The following KNTC1 variants were observed in gnomAD, a reference collection of about 807,000 sequenced individuals.
The protein encoded by KNTC1 is kinetochore associated 1.
In KNTC1, 253 loss-of-function variants were observed where a neutral mutation model predicts 314.4. The observed-to-expected ratio is 0.80, with a 90% confidence interval of 0.73 to 0.89. The LOEUF is 0.89. Ranked by LOEUF, KNTC1 falls within the 40% of genes least tolerant of loss-of-function variation. KNTC1 has a pLI of 0.00. For synonymous variants in KNTC1, 901 were observed against 901.4 expected (o/e 1.00, Z 0.01); for missense variants, 2,475 against 2,572.9 (o/e 0.96, Z 0.82).
chr12:122,591,452 G>T lies in KNTC1; in HGVS notation c.4244G>T (p.Gly1415Val). The change falls in exon 42 of 64, where the codon GGT becomes GTT. Residue 1415 changes from glycine (G) to valine (V), a missense_variant and splice_region_variant. Transcript: ENST00000333479. ...TGGGGCATTCGTCTTGGTAAACTTG[G>T]TGTGAGTATTCTTTGTACTGCTGTC... ...AQWGIRLGKL[G>V]ISFQPVFRQH... 6.8e-7 allele frequency: 1 copy of T among 1,474,176 alleles called. No individual in the cohort carries two copies. Among genetic ancestry groups the T allele is most frequent in the Non-Finnish European group, 9.5e-7 (1 of 1,056,184 alleles). 91.3% of individuals were successfully genotyped at this position (1,474,176 alleles called of 1,614,324 possible).
chr12:122,583,562 A>C (rs757526294), intron 34 of KNTC1, among the ~76,000 whole-genome samples: 1 of 152,042 alleles, frequency 6.6e-6, no homozygotes, highest in Non-Finnish European at 1.5e-5. Context: ...GTGGTGACTC[A>C]CGCCTGTAAT....
At chr12:122,540,099 T>C (rs1298623849) in intron 5 of KNTC1, among the ~76,000 whole-genome samples, 1 of 151,848 alleles carries the variant, frequency 6.6e-6, no homozygotes, top group Non-Finnish European at 1.5e-5. Flanking sequence ...GACTTCTGAC[T>C]AATATCCAAT....
intron 2 of KNTC1, among the ~76,000 whole-genome samples, chr12:122,533,723 G>C (rs544647378): frequency 1.1e-4 from 17 of 152,178 alleles, no homozygotes; most frequent in Admixed American, 7.2e-4. Context: ...TAAGGTAGAA[G>C]AGGGATCAGA....
chr12:122,622,817 A>T (rs1163688536), intron 62 of KNTC1, among the ~76,000 whole-genome samples: 2 of 152,000 alleles, frequency 1.3e-5, no homozygotes, highest in Non-Finnish European at 2.9e-5. Context: ...GCATGGTGGC[A>T]CATACCTGTA....
chr12:122,579,307 G>A (rs1191128378), intron 31 of KNTC1, among the ~76,000 whole-genome samples: 2 of 151,312 alleles, frequency 1.3e-5, no homozygotes, highest in Admixed American at 6.6e-5. Context: ...CTCGTGATCC[G>A]CCTGCCTCGG....
intron 52 of KNTC1, among the ~76,000 whole-genome samples, chr12:122,610,173 G>C (rs2277346): frequency 0.46 from 70,111 of 152,048 alleles, 19,124 homozygotes; most frequent in African/African-American, 0.77. Flanking sequence ...CTCTGGACCC[G>C]CACCTTGGCC....
intron 12 of KNTC1, among the ~76,000 whole-genome samples, chr12:122,548,716 C>G (rs137938708): frequency 6.6e-6 from 1 of 151,990 alleles, no homozygotes; most frequent in African/African-American, 2.4e-5. Flanking sequence ...ACCTGTAATC[C>G]TAGCGCTTTG....
At chr12:122,620,332 C>T in intron 59 of KNTC1, 147 bp from the exon 60 acceptor site, 1 of 614,856 alleles carries the variant, frequency 1.6e-6, no homozygotes, top group Non-Finnish European at 2.8e-6. Flanking sequence ...TTGTGTTACT[C>T]ATTCCTAAGC....
At chr12:122,563,448 T>G (rs1263245181) in intron 20 of KNTC1, among the ~76,000 whole-genome samples, 2 of 152,202 alleles carry the variant, frequency 1.3e-5, no homozygotes, top group African/African-American at 4.8e-5. Flanking sequence ...TACAAAACAT[T>G]GTTTATATTG....
Position 122,588,704 on chromosome 12 carries a change from T to C in KNTC1, c.3895-8T>C. Reference sequence around the variant, plus strand: ...AGACCTAAATATTTTTTTCTTCTTTTCTAAAAGTTATTTGGAGAGACTACA... The same window carrying C: ...AGACCTAAATATTTTTTTCTTCTTTCCTAAAAGTTATTTGGAGAGACTACA... On this transcript the variant is annotated splice_region_variant and splice_polypyrimidine_tract_variant and intron_variant, in intron 39 of 63. Coordinates refer to ENST00000333479, the MANE Select transcript of KNTC1 (RefSeq NM_014708.6). 2 of 1,495,332 alleles carry C rather than the reference T, an allele frequency of 1.3e-6. No homozygotes were observed. The highest frequency in any genetic ancestry group is 1.8e-6 in the Non-Finnish European group (2 of 1,122,700). 92.6% of individuals were successfully genotyped at this position (1,495,332 alleles called of 1,614,324 possible).
intron 20 of KNTC1, among the ~76,000 whole-genome samples, chr12:122,566,710 A>C (rs1302835365): frequency 6.7e-6 from 1 of 149,290 alleles, no homozygotes; most frequent in African/African-American, 2.5e-5. Flanking sequence ...CACCCAGCCA[A>C]CTTTTATATT....
intron 52 of KNTC1, among the ~76,000 whole-genome samples, chr12:122,609,958 G>A (rs750961693): frequency 5.9e-5 from 9 of 152,228 alleles, no homozygotes; most frequent in Middle Eastern, 3.2e-3. Flanking sequence ...ATGGATAAGG[G>A]AGCATGGTGG....
At chr12:122,605,928 A>C (rs2138131342) in intron 51 of KNTC1, among the ~76,000 whole-genome samples, 1 of 148,870 alleles carries the variant, frequency 6.7e-6, no homozygotes, top group East Asian at 2.0e-4. Flanking sequence ...TGCAGACTCG[A>C]ATTCCTAGGC....
At chr12:122,584,565 C>A in intron 35 of KNTC1, 115 bp downstream of exon 35, 1 of 691,512 alleles carries the variant, frequency 1.4e-6, no homozygotes, top group Non-Finnish European at 2.3e-6. Context: ...GAGATAGTAT[C>A]TGCATTTCAC....
intron 44 of KNTC1, 69 bp downstream of exon 44, chr12:122,598,007 A>G (rs1232477015): frequency 1.8e-6 from 2 of 1,141,984 alleles, no homozygotes; most frequent in Non-Finnish European, 2.6e-6. Context: ...TAGATACATT[A>G]GTAACAAATT....
Position 122,556,705 on chromosome 12 carries a change from C to A in KNTC1, c.1273-679C>A, listed in dbSNP as rs139980342. Among the ~76,000 whole-genome samples the A allele has an allele frequency of 3.5e-3, 525 of 152,010 alleles. 2 individuals carry two copies. Among genetic ancestry groups the A allele is most frequent in the African/African-American group, 0.012 (514 of 41,460 alleles). ...ATCGAACTCCTGACCTCAAATAATC[C>A]TCCTGCCTCAGCCTCCCAAAGTGCT... On this transcript the variant is annotated intron_variant, in intron 16 of 63. Coordinates refer to ENST00000333479, the MANE Select transcript of KNTC1 (RefSeq NM_014708.6).
At chr12:122,567,070 T>TA (rs999604117) in intron 20 of KNTC1, among the ~76,000 whole-genome samples, 1 of 151,386 alleles carries the variant, frequency 6.6e-6, no homozygotes, top group Admixed American at 6.6e-5. Flanking sequence ...AGCTAGTGAT[T>TA]AAAAAAAACT....
Position 122,530,194 on chromosome 12 carries a change from T to C in KNTC1, c.129+2T>C, listed in dbSNP as rs1468927301. The C allele has an allele frequency of 1.2e-6, 2 of 1,612,308 alleles. No homozygotes were observed. Among genetic ancestry groups the C allele is most frequent in the Non-Finnish European group, 1.7e-6 (2 of 1,178,986 alleles). The stretch of plus-strand genomic sequence containing the variant: ...CTAGTGAAGATCTCTTCTGAAAAGG[T>C]AGTGATTATTACACTGACTGTTTCA... On this transcript the variant is annotated splice_donor_variant, in intron 2 of 63. Coordinates refer to ENST00000333479, the MANE Select transcript of KNTC1 (RefSeq NM_014708.6). LOFTEE classifies it high-confidence loss of function.
At position 122,602,874 on chromosome 12, in the gene KNTC1, C is replaced by T. The variant is rs763188648; in HGVS notation, c.4871C>T (p.Ser1624Leu). The T allele has an allele frequency of 1.2e-5, 20 of 1,607,530 alleles. No individual in the cohort carries two copies. In the Admixed American group the frequency reaches 1.7e-4, roughly 13 times the overall value. Residue 1624 changes from serine (S) to leucine (L), a missense_variant, in exon 47 of 64, where the codon TCG becomes TTG. By Grantham distance (145) the Ser-to-Leu change is moderately radical. Coordinates refer to ENST00000333479, the MANE Select transcript of KNTC1 (RefSeq NM_014708.6). ...EESFPTLLLI[S>L]KLMKFSLDTL... is the part of the protein sequence containing the mutation. Reference sequence around the variant, plus strand: ...TCTTTCCCAACATTGCTCTTAATTTCGAAATTAATGAAGGTAATGGATTAA... The same window carrying T: ...TCTTTCCCAACATTGCTCTTAATTTTGAAATTAATGAAGGTAATGGATTAA...
Sources: allele counts gnomAD v4.1 joint callset (sites outside exome capture counted in the v4.1 genomes callset), GRCh38; gene constraint gnomAD v4.1.1; transcripts MANE v1.5; gene names NCBI Gene and HGNC (gene_info 2026-07-23, HGNC 2026-07-21).